RBMS3: variants seen among roughly 807,000 people sequenced by gnomAD.
The protein encoded by RBMS3 is RNA binding motif single stranded interacting protein 3.
A neutral mutation model predicts 66.8 loss-of-function variants in RBMS3; 27 were observed. The observed-to-expected ratio is 0.40, with a 90% CI of 0.30 to 0.56. RBMS3 has a LOEUF of 0.56. RBMS3 is among the 20% of genes least tolerant of loss of function. RBMS3 has a pLI of 0.40. For missense variants in RBMS3, 513 were observed against 549.5 expected, an observed-to-expected ratio of 0.93 and a Z score of 0.66; for synonymous variants, 188 against 183.0, an observed-to-expected ratio of 1.03 and a Z score of -0.22.
intron 3 of RBMS3, among the ~76,000 whole-genome samples, chr3:29,574,353 A>AT (rs1423697314): frequency 6.6e-6 from 1 of 150,764 alleles, no homozygotes; most frequent in African/African-American, 2.4e-5. Context: ...CTTGAAATCC[A>AT]TTTTTTCTTA....
At chr3:29,283,802 G>A (rs2032029940) in intron 1 of RBMS3, among the ~76,000 whole-genome samples, 1 of 152,116 alleles carries the variant, frequency 6.6e-6, no homozygotes, top group South Asian at 2.1e-4. Context: ...CTTTGAAGTT[G>A]TCCTGTATTG....
intron 1 of RBMS3, among the ~76,000 whole-genome samples, chr3:29,357,603 A>T (rs2037303130): frequency 1.3e-5 from 2 of 152,178 alleles, no homozygotes; most frequent in South Asian, 4.1e-4. Flanking sequence ...TTCTAGTTCT[A>T]GATCCCTGAG....
intron 4 of RBMS3, among the ~76,000 whole-genome samples, chr3:29,707,463 G>A (rs1490884532): frequency 3.3e-5 from 5 of 152,040 alleles, no homozygotes; most frequent in African/African-American, 9.7e-5. Flanking sequence ...TTGAAAATAC[G>A]GTTCCATGTT....
intron 2 of RBMS3, among the ~76,000 whole-genome samples, chr3:29,449,497 A>G (rs1353743765): frequency 6.6e-6 from 1 of 152,218 alleles, no homozygotes; most frequent in African/African-American, 2.4e-5. Flanking sequence ...TATGTAAACA[A>G]CCAAATGTTC....
chr3:29,425,214 A>ACC (rs1559350710), intron 1 of RBMS3, among the ~76,000 whole-genome samples: 1 of 98,760 alleles, frequency 1.0e-5, no homozygotes. Flanking sequence ...CCCCAAAAAA[A>ACC]ACAAAAAAAA....
At chr3:29,688,239 A>G (rs910752153) in intron 4 of RBMS3, among the ~76,000 whole-genome samples, 6 of 152,106 alleles carry the variant, frequency 3.9e-5, no homozygotes, top group Non-Finnish European at 5.9e-5. Context: ...CAATGCTTTT[A>G]TGTGCATTGA....
intron 3 of RBMS3, among the ~76,000 whole-genome samples, chr3:29,501,777 C>T (rs922003063): frequency 2.0e-5 from 3 of 152,158 alleles, no homozygotes; most frequent in Middle Eastern, 6.8e-3. Context: ...CATAAAAATA[C>T]TCAAAAAAGA....
intron 6 of RBMS3, among the ~76,000 whole-genome samples, chr3:29,846,727 T>C (rs1218334884): frequency 6.6e-6 from 1 of 152,204 alleles, no homozygotes; most frequent in Non-Finnish European, 1.5e-5. Context: ...AAGATAAGCT[T>C]ATAAATCTAG....
intron 3 of RBMS3, among the ~76,000 whole-genome samples, chr3:29,553,793 A>C (rs1576208697): frequency 6.9e-6 from 1 of 145,764 alleles, no homozygotes; most frequent in East Asian, 2.0e-4. Flanking sequence ...ACAATACCAA[A>C]ATTAACTGGC....
chr3:29,372,037 G>A (rs1017269765), intron 1 of RBMS3, among the ~76,000 whole-genome samples: 3 of 152,156 alleles, frequency 2.0e-5, no homozygotes, highest in African/African-American at 7.2e-5. Flanking sequence ...AACAAGCATA[G>A]CCAAAAGGCA....
intron 4 of RBMS3, among the ~76,000 whole-genome samples, chr3:29,625,657 C>T (rs1389097796): frequency 6.6e-6 from 1 of 151,436 alleles, no homozygotes; most frequent in Non-Finnish European, 1.5e-5. Context: ...GAGATTGCGC[C>T]ATTGCACTCC....
intron 4 of RBMS3, among the ~76,000 whole-genome samples, chr3:29,588,519 A>G (rs768736755): frequency 1.3e-5 from 2 of 152,118 alleles, no homozygotes; most frequent in African/African-American, 2.4e-5. Context: ...GTTGTCTTCT[A>G]GTGAACTGAT....
At chr3:29,440,613 A>G (rs1269395712) in intron 2 of RBMS3, among the ~76,000 whole-genome samples, 2 of 152,202 alleles carry the variant, frequency 1.3e-5, no homozygotes, top group African/African-American at 4.8e-5. Context: ...TTTAACATTT[A>G]AAAAGAGAGG....
chr3:29,566,287 TGGA>T (rs1315685714), intron 3 of RBMS3, among the ~76,000 whole-genome samples: 2 of 152,160 alleles, frequency 1.3e-5, no homozygotes, highest in Admixed American at 1.3e-4. Flanking sequence ...TAGACACTAA[TGGA>T]GGAGAAGAAT....
intron 1 of RBMS3, among the ~76,000 whole-genome samples, chr3:29,290,994 G>A (rs1393869484): frequency 6.6e-6 from 1 of 151,762 alleles, no homozygotes; most frequent in African/African-American, 2.4e-5. Flanking sequence ...TAACTGATAT[G>A]TATCTGTGAA....
chr3:29,368,379 A>T (rs1369208468), intron 1 of RBMS3, among the ~76,000 whole-genome samples: 1 of 152,108 alleles, frequency 6.6e-6, no homozygotes, highest in East Asian at 1.9e-4. Flanking sequence ...ATCTATATTT[A>T]TTGGAGTATT....
chr3:29,633,364 C>A (rs544389122), intron 4 of RBMS3, among the ~76,000 whole-genome samples: 1 of 151,914 alleles, frequency 6.6e-6, no homozygotes, highest in East Asian at 1.9e-4. Flanking sequence ...AATTAAGAAA[C>A]TTATGCAGAA....
intron 4 of RBMS3, among the ~76,000 whole-genome samples, chr3:29,681,898 T>A (rs1198539472): frequency 6.6e-6 from 1 of 152,216 alleles, no homozygotes; most frequent in African/African-American, 2.4e-5. Context: ...CAAATGGTAC[T>A]TCTGCCTCTA....
intron 6 of RBMS3, among the ~76,000 whole-genome samples, chr3:29,791,811 C>T (rs1014739908): frequency 2.0e-5 from 3 of 152,052 alleles, no homozygotes; most frequent in Non-Finnish European, 4.4e-5. Flanking sequence ...CAATATCTGC[C>T]AAAGGATTTT....
Sources: gnomAD v4.1 joint callset for allele counts (sites outside exome capture counted in the v4.1 genomes callset) on GRCh38, gnomAD v4.1.1 for gene constraint, MANE v1.5 for transcripts, NCBI Gene and HGNC (gene_info 2026-07-23, HGNC 2026-07-21) for gene names.